NFIB: variants seen among roughly 807,000 people sequenced by gnomAD.
NFIB encodes the protein nuclear factor 1 B-type.
NFIB carries 11 observed loss-of-function variants against 61.5 expected under a neutral mutation model. The observed-to-expected ratio is 0.18, with a 90% CI of 0.11 to 0.30. The LOEUF is 0.30. Ranked by LOEUF, NFIB falls within the 10% of genes least tolerant of loss-of-function variation. The probability of loss-of-function intolerance (pLI) is 1.00; values close to 1 mark genes in which losing one functional copy is unlikely to be tolerated. For missense variants in NFIB, 471 were observed against 608.9 expected, an observed-to-expected ratio of 0.77 and a Z score of 2.38; for synonymous variants, 260 against 216.5, an observed-to-expected ratio of 1.20 and a Z score of -1.76.
At chr9:14,444,696 C>G in the NFIB span, among the ~76,000 whole-genome samples, 1 of 152,120 alleles carries the variant, frequency 6.6e-6, no homozygotes, top group African/African-American at 2.4e-5. Flanking sequence ...GTCCTTATCC[C>G]CGTTTACTCT....
At chr9:14,416,048 G>A in the NFIB span, among the ~76,000 whole-genome samples, 1 of 152,298 alleles carries the variant, frequency 6.6e-6, no homozygotes, top group South Asian at 2.1e-4. Context: ...TTGAATTTCA[G>A]CAAGAAGAAA....
At chr9:14,160,582 C>G (rs2044045084) in intron 3 of NFIB, among the ~76,000 whole-genome samples, 1 of 152,080 alleles carries the variant, frequency 6.6e-6, no homozygotes, top group South Asian at 2.1e-4. Context: ...GATTTGTCAT[C>G]CAATGGGAAC....
chr9:14,139,872 G>A (rs1411136829), intron 6 of NFIB, among the ~76,000 whole-genome samples: 1 of 152,152 alleles, frequency 6.6e-6, no homozygotes, highest in Non-Finnish European at 1.5e-5. Context: ...AGTTGAAGAG[G>A]CATTCCTCTT....
At chr9:14,181,461 T>TGAAATC (rs1334225689) in intron 2 of NFIB, among the ~76,000 whole-genome samples, 1 of 152,192 alleles carries the variant, frequency 6.6e-6, no homozygotes, top group African/African-American at 2.4e-5. Context: ...CTCTTATTAC[T>TGAAATC]TTTTCTGAAA....
intron 2 of NFIB, among the ~76,000 whole-genome samples, chr9:14,235,091 A>G (rs1209506659): frequency 6.6e-6 from 1 of 152,200 alleles, no homozygotes; most frequent in Non-Finnish European, 1.5e-5. Flanking sequence ...GAGGATAATG[A>G]TAACTTTACT....
the NFIB span, among the ~76,000 whole-genome samples, chr9:14,450,615 G>A: frequency 6.6e-6 from 1 of 152,028 alleles, no homozygotes; most frequent in Non-Finnish European, 1.5e-5. Context: ...ACTGCATTGA[G>A]AGACTCCCTT....
chr9:14,392,655 G>C (rs1305680478), intron 1 of NFIB, among the ~76,000 whole-genome samples: 1 of 152,100 alleles, frequency 6.6e-6, no homozygotes, highest in African/African-American at 2.4e-5. Context: ...AGGGGGCAGA[G>C]GCTGCATTGA....
At chr9:14,213,139 C>G (rs926085244) in intron 2 of NFIB, among the ~76,000 whole-genome samples, 1 of 152,156 alleles carries the variant, frequency 6.6e-6, no homozygotes, top group Non-Finnish European at 1.5e-5. Context: ...TTACACCTTT[C>G]TTTTTAAAAT....
chr9:14,519,345 A>G, the NFIB span, among the ~76,000 whole-genome samples: 4 of 152,130 alleles, frequency 2.6e-5, no homozygotes, highest in African/African-American at 7.2e-5. Context: ...AGTTTAGGGG[A>G]AAAATGAAAT....
In NFIB at chr9:14,342,243, A is replaced by C. The variant is rs2060960516; in HGVS notation, c.109-34723T>G. Among the ~76,000 whole-genome samples the C allele has an allele frequency of 5.9e-5, 9 of 152,206 alleles. No individual in the cohort carries two copies. In the South Asian group the frequency reaches 1.7e-3, roughly 28 times the overall value. On this transcript the variant is annotated intron_variant, in intron 1 of 8. Transcript: ENST00000380934. ...TGGAGCCAAATAATCCCACCCAAGA[A>C]CAAATTATTTCAGGCAGCATTTGGC...
intron 1 of NFIB, among the ~76,000 whole-genome samples, chr9:14,382,281 G>C (rs914700893): frequency 6.6e-6 from 1 of 152,172 alleles, no homozygotes; most frequent in African/African-American, 2.4e-5. Flanking sequence ...TCATGTTTGA[G>C]AACACAGCAA....
chr9:14,349,161 G>C (rs1444191953), intron 1 of NFIB, among the ~76,000 whole-genome samples: 1 of 152,226 alleles, frequency 6.6e-6, no homozygotes, highest in African/African-American at 2.4e-5. Flanking sequence ...GGGGAGCGAA[G>C]CTAGCGAGGA....
At chr9:14,488,659 G>A in the NFIB span, among the ~76,000 whole-genome samples, 7 of 152,136 alleles carry the variant, frequency 4.6e-5, no homozygotes, top group African/African-American at 1.2e-4. Context: ...CAAGGGCCAC[G>A]TACTCATAGG....
chr9:14,114,347 C>G (rs2037819072), intron 9 of NFIB, among the ~76,000 whole-genome samples: 1 of 152,194 alleles, frequency 6.6e-6, no homozygotes, highest in African/African-American at 2.4e-5. Context: ...CTCACCCTTA[C>G]AGAAGAGCAC....
Position 14,111,959 on chromosome 9 carries a change from C to T in NFIB, c.1467+1040G>A, listed in dbSNP as rs536231627. ...GGACTTGAGAACTCCACACCAAGCA[C>T]AGTTGAGGTAGGTCACAACAAGGGT... is the stretch of plus-strand genomic sequence containing the variant. On this transcript the variant is annotated intron_variant, in intron 10 of 10. Coordinates refer to ENST00000380953, the MANE Select transcript of NFIB (RefSeq NM_001190737.2). 2.0e-5 allele frequency among the ~76,000 whole-genome samples: 3 copies of T among 152,284 alleles called. No homozygotes were observed. In the South Asian group the frequency reaches 6.2e-4, roughly 32 times the overall value.
chr9:14,262,940 T>A lies in NFIB; in HGVS notation c.562+44049A>T, dbSNP rs144089075. On this transcript the variant is annotated intron_variant, in intron 2 of 10. Transcript: ENST00000380953. ...TTCCAAAGGAAAAAAAAATTCAATG[T>A]CGACATAAATCCCTTGAACTAAACA... Among the ~76,000 whole-genome samples, 928 of 152,250 alleles carry A rather than the reference T, an allele frequency of 6.1e-3. 7 individuals carry two copies. Among genetic ancestry groups the A allele is most frequent in the African/African-American group, 0.021 (881 of 41,540 alleles).
At chr9:14,156,709 C>T (rs1439439086) in intron 3 of NFIB, among the ~76,000 whole-genome samples, 1 of 152,092 alleles carries the variant, frequency 6.6e-6, no homozygotes, top group Non-Finnish European at 1.5e-5. Flanking sequence ...TAACCCTGCA[C>T]CCAGCCCACC....
intron 1 of NFIB, among the ~76,000 whole-genome samples, chr9:14,365,272 C>T (rs2061287339): frequency 6.6e-6 from 1 of 152,174 alleles, no homozygotes; most frequent in Admixed American, 6.5e-5. Flanking sequence ...AATGGTTTCA[C>T]ATTTTATTTG....
rs1251844212 is a variant in NFIB at position 14,120,746 on chromosome 9, T to C, written c.1061-122A>G. The C allele has an allele frequency of 5.6e-5, 54 of 967,672 alleles. No homozygotes were observed. Among genetic ancestry groups the C allele is most frequent in the Non-Finnish European group, 8.1e-5 (54 of 668,138 alleles). The allele number at this position is 967,672 out of a possible 1,614,324, so 59.9% of individuals were successfully genotyped here. The stretch of plus-strand genomic sequence containing the variant: ...ACCATTCATTTTTGTCCCCATGATT[T>C]AACCAAGCTCTCCTAAATCAACAGT... On this transcript the variant is annotated intron_variant, in intron 7 of 10. Coordinates refer to ENST00000380953, the MANE Select transcript of NFIB (RefSeq NM_001190737.2). The surrounding 1 kb of genome is among the most constrained non-coding windows in gnomAD (Gnocchi z 4.4).
Sources: gnomAD v4.1 joint callset for allele counts (sites outside exome capture counted in the v4.1 genomes callset) on GRCh38, gnomAD v4.1.1 for gene constraint, Gnocchi (gnomAD v3.1) non-coding constraint, MANE v1.5 for transcripts, NCBI Gene and HGNC (gene_info 2026-07-23, HGNC 2026-07-21) for gene names.